RFTN1: variants seen among roughly 807,000 people sequenced by gnomAD.
RFTN1 encodes the protein raftlin.
Under a neutral mutation model 46.5 loss-of-function variants are expected in RFTN1, and 26 were observed. The observed-to-expected ratio is 0.56, with a 90% CI of 0.41 to 0.78. The LOEUF (loss-of-function observed/expected upper bound fraction) is 0.78, where lower values mean the gene tolerates loss of function less well. Ranked by LOEUF, RFTN1 falls within the 30% of genes least tolerant of loss-of-function variation. The pLI, the probability that RFTN1 is intolerant of heterozygous loss-of-function variation, is 0.00. For missense variants in RFTN1, 693 were observed against 718.7 expected (o/e 0.96, Z 0.41); for synonymous variants, 261 against 284.2 (o/e 0.92, Z 0.82).
At chr3:16,389,663 T>G (rs185105396) in intron 4 of RFTN1, among the ~76,000 whole-genome samples, 1 of 152,368 alleles carries the variant, frequency 6.6e-6, no homozygotes, top group East Asian at 1.9e-4. Flanking sequence ...AGTAGAAGAA[T>G]GAACCAGAAA....
At chr3:16,508,476 G>T (rs1044108730) in intron 1 of RFTN1, among the ~76,000 whole-genome samples, 3 of 152,172 alleles carry the variant, frequency 2.0e-5, no homozygotes, top group Non-Finnish European at 4.4e-5. Context: ...TCACACAATT[G>T]CATATTTAAA....
Position 16,381,458 on chromosome 3 carries a change from G to A in RFTN1, c.442-3356C>T, listed in dbSNP as rs1032341909. Reference sequence around the variant, plus strand: ...AGAAAAGTTTCTCCGAGTAGATCAGGGATGTAACAAATGACGTGGTGTAAC... The same window carrying A: ...AGAAAAGTTTCTCCGAGTAGATCAGAGATGTAACAAATGACGTGGTGTAAC... On this transcript the variant is annotated intron_variant, in intron 4 of 9. Coordinates refer to ENST00000334133, the MANE Select transcript of RFTN1 (RefSeq NM_015150.2). The surrounding 1 kb of genome is among the most constrained non-coding windows in gnomAD (Gnocchi z 4.2). Among the ~76,000 whole-genome samples the A allele has an allele frequency of 6.6e-6, 1 of 152,190 alleles. No homozygotes were observed. Among genetic ancestry groups the A allele is most frequent in the Non-Finnish European group, 1.5e-5 (1 of 68,046 alleles).
chr3:16,364,348 A>G (rs927291454), intron 6 of RFTN1, among the ~76,000 whole-genome samples: 1 of 152,206 alleles, frequency 6.6e-6, no homozygotes, highest in South Asian at 2.1e-4. Flanking sequence ...TGATTAGTCC[A>G]TGTTCATGTG....
chr3:16,410,051 C>T lies in RFTN1; in HGVS notation c.333-568G>A, dbSNP rs1164652006. Among the ~76,000 whole-genome samples, 2 of 151,344 alleles carry T rather than the reference C, an allele frequency of 1.3e-5. No homozygotes were observed. Among genetic ancestry groups the T allele is most frequent in the Non-Finnish European group, 2.9e-5 (2 of 67,876 alleles). On this transcript the variant is annotated intron_variant, in intron 3 of 9. Coordinates refer to ENST00000334133, the MANE Select transcript of RFTN1 (RefSeq NM_015150.2). The surrounding 1 kb of genome is among the most constrained non-coding windows in gnomAD (Gnocchi z 4.6). Reference sequence around the variant, plus strand: ...TCTTTAATGAAGCCCCAGATTCTTTCCCGAAAGTAACGTCAAAAAGGCACT... The same window carrying T: ...TCTTTAATGAAGCCCCAGATTCTTTTCCGAAAGTAACGTCAAAAAGGCACT...
rs184292605 is a variant in RFTN1 at position 16,344,503 on chromosome 3, C to T, written c.1146+13429G>A. Among the ~76,000 whole-genome samples the T allele has an allele frequency of 8.7e-4, 133 of 152,222 alleles. No individual in the cohort carries two copies. The highest frequency in any genetic ancestry group is 3.0e-3 in the African/African-American group (124 of 41,516). On this transcript the variant is annotated intron_variant, in intron 7 of 9. Coordinates refer to ENST00000334133, the MANE Select transcript of RFTN1 (RefSeq NM_015150.2). The surrounding 1 kb of genome is among the most constrained non-coding windows in gnomAD (Gnocchi z 4.4). ...GACCTGCCCTGGCCTTCTTCCCCCT[C>T]GCCCAACTAGAATGCTTTATGTGGA...
chr3:16,360,167 G>T (rs2072735625), intron 6 of RFTN1, among the ~76,000 whole-genome samples: 1 of 151,622 alleles, frequency 6.6e-6, no homozygotes, highest in Admixed American at 6.6e-5. Context: ...GAAAAAAATT[G>T]CAGTTTCTTT....
At chr3:16,490,517 A>G (rs1240362051) in intron 2 of RFTN1, among the ~76,000 whole-genome samples, 1 of 152,166 alleles carries the variant, frequency 6.6e-6, no homozygotes, top group Non-Finnish European at 1.5e-5. Context: ...TTGAATCTCA[A>G]CTTCATCCAT....
rs530271996 is a variant in RFTN1 at position 16,425,850 on chromosome 3, CAG to C, written c.332+7999_332+8000del. On this transcript the variant is annotated intron_variant, in intron 3 of 9. Transcript: ENST00000334133. This position sits in a 1 kb window ranked among gnomAD's most constrained non-coding sequence, Gnocchi z 4.3. ...GTCTTGGTGATGCTGGACAGCTCCT[CAG>C]GGGGTACGGTGGCAGCCCGGAGAGC... Among the ~76,000 whole-genome samples, 6 of 152,248 alleles carry C rather than the reference CAG, an allele frequency of 3.9e-5. No homozygotes were observed. The South Asian group carries it at 1.2e-3, about 32-fold the overall frequency.
chr3:16,399,065 T>A (rs2074540703), intron 4 of RFTN1, among the ~76,000 whole-genome samples: 1 of 152,220 alleles, frequency 6.6e-6, no homozygotes, highest in East Asian at 1.9e-4. Flanking sequence ...TTCTTTCTGA[T>A]TTAACTATAA....
chr3:16,509,290 T>C lies in RFTN1; in HGVS notation c.-9+4152A>G, dbSNP rs1240762362. On this transcript the variant is annotated intron_variant, in intron 1 of 9. Transcript: ENST00000334133. This position sits in a 1 kb window ranked among gnomAD's most constrained non-coding sequence, Gnocchi z 4.9. ...TATCTAATTTACATTTCTATTATAA[T>C]ATGGCTTTGTGTATTTGGAAATCCG... Among the ~76,000 whole-genome samples, 2 of 152,216 alleles carry C rather than the reference T, an allele frequency of 1.3e-5. No homozygotes were observed. The highest frequency in any genetic ancestry group is 2.9e-5 in the Non-Finnish European group (2 of 68,038).
chr3:16,475,782 C>T lies in RFTN1; in HGVS notation c.145+17943G>A, dbSNP rs2076271112. Among the ~76,000 whole-genome samples, 1 of 152,218 alleles carries T rather than the reference C, an allele frequency of 6.6e-6. No homozygotes were observed. The highest frequency in any genetic ancestry group is 1.5e-5 in the Non-Finnish European group (1 of 68,044). ...GAAGGTGCTGGCTGAGGGCAAAAGC[C>T]AAGTCCCAGCAGTCACGGTTTCCAT... On this transcript the variant is annotated intron_variant, in intron 2 of 9. Coordinates refer to ENST00000334133, the MANE Select transcript of RFTN1 (RefSeq NM_015150.2). The surrounding 1 kb of genome is among the most constrained non-coding windows in gnomAD (Gnocchi z 4.2).
chr3:16,480,807 T>G lies in RFTN1; in HGVS notation c.145+12918A>C, dbSNP rs927415685. Reference sequence around the variant, plus strand: ...ATATTAACTTGTTTTCTGTTCCGCTTTAACCAAATTAGATAACAATTATTA... The same window carrying G: ...ATATTAACTTGTTTTCTGTTCCGCTGTAACCAAATTAGATAACAATTATTA... On this transcript the variant is annotated intron_variant, in intron 2 of 9. Transcript: ENST00000334133. The surrounding 1 kb of genome is among the most constrained non-coding windows in gnomAD (Gnocchi z 4.3). 6.6e-6 allele frequency among the ~76,000 whole-genome samples: 1 copy of G among 152,216 alleles called. No individual in the cohort carries two copies. The highest frequency in any genetic ancestry group is 2.4e-5 in the African/African-American group (1 of 41,456).
chr3:16,364,591 G>T (rs2073041646), intron 6 of RFTN1, among the ~76,000 whole-genome samples: 1 of 152,138 alleles, frequency 6.6e-6, no homozygotes, highest in Non-Finnish European at 1.5e-5. Context: ...GGGTCACAAT[G>T]AGATGGGCTT....
At chr3:16,439,494 A>G (rs2075580962) in intron 2 of RFTN1, among the ~76,000 whole-genome samples, 1 of 152,270 alleles carries the variant, frequency 6.6e-6, no homozygotes, top group Middle Eastern at 3.2e-3. Flanking sequence ...TGGATGGGCA[A>G]TTGCAAAAGG....
At chr3:16,409,633 T>C in intron 3 of RFTN1, 150 bp from the exon 4 acceptor site, 1 of 529,222 alleles carries the variant, frequency 1.9e-6, no homozygotes, top group East Asian at 3.8e-5. Flanking sequence ...TTGTCCTGCC[T>C]CAGCCTCCCG....
chr3:16,482,209 G>A (rs963386157), intron 2 of RFTN1, among the ~76,000 whole-genome samples: 4 of 152,102 alleles, frequency 2.6e-5, no homozygotes, highest in East Asian at 3.8e-4. Context: ...TGCAAGCTGC[G>A]GCTCTGTAAG....
At position 16,483,759 on chromosome 3, in the gene RFTN1, T is replaced by TA. The variant is rs200678350; in HGVS notation, c.145+9965dup. Among the ~76,000 whole-genome samples the TA allele has an allele frequency of 0.034, 4,924 of 146,638 alleles. 158 individuals are homozygous for TA. Among genetic ancestry groups the TA allele is most frequent in the East Asian group, 0.12 (610 of 5,094 alleles). On this transcript the variant is annotated intron_variant, in intron 2 of 9. Transcript: ENST00000334133. The surrounding 1 kb of genome is among the most constrained non-coding windows in gnomAD (Gnocchi z 4.8). ...TTTTTTCTGCCATCTCCACTCAAAT[T>TA]AAAAAAAAAAAAATTGTACTCCACA...
intron 6 of RFTN1, among the ~76,000 whole-genome samples, chr3:16,362,989 G>A (rs2072925577): frequency 6.6e-6 from 1 of 152,140 alleles, no homozygotes. Flanking sequence ...AACACACCCA[G>A]ATCCTTATTC....
rs2075438806 is a variant in RFTN1 at position 16,433,671 on chromosome 3, A to G, written c.332+180T>C. Among the ~76,000 whole-genome samples, 1 of 152,242 alleles carries G rather than the reference A, an allele frequency of 6.6e-6. No individual in the cohort carries two copies. Reference sequence around the variant, plus strand: ...TGGACATGCATTTGTTTTTCATCGCAGGATGCTAGGAAAGAAACCTCTCTG... The same window carrying G: ...TGGACATGCATTTGTTTTTCATCGCGGGATGCTAGGAAAGAAACCTCTCTG... On this transcript the variant is annotated intron_variant, in intron 3 of 9. Transcript: ENST00000334133. This position sits in a 1 kb window ranked among gnomAD's most constrained non-coding sequence, Gnocchi z 4.4.
Sources: allele counts gnomAD v4.1 joint callset (sites outside exome capture counted in the v4.1 genomes callset), GRCh38; gene constraint gnomAD v4.1.1; non-coding constraint Gnocchi (gnomAD v3.1); transcripts MANE v1.5; gene names NCBI Gene and HGNC (gene_info 2026-07-23, HGNC 2026-07-21).